Variants in MIGA1 observed in about 807,000 individuals in gnomAD.
MIGA1 encodes the protein mitoguardin 1, also known as family with sequence similarity 73, member A.
A neutral mutation model predicts 82.0 loss-of-function variants in MIGA1; 58 were observed. That is an observed-to-expected ratio of 0.71 (90% CI 0.57 to 0.88). MIGA1 has a LOEUF of 0.88. MIGA1 is among the 40% of genes least tolerant of loss of function. The probability of loss-of-function intolerance (pLI) is 0.00; values close to 1 mark genes in which losing one functional copy is unlikely to be tolerated. For synonymous variants in MIGA1, 249 were observed against 253.6 expected, an observed-to-expected ratio of 0.98 and a Z score of 0.17; for missense variants, 751 against 749.1, an observed-to-expected ratio of 1.00 and a Z score of -0.03.
At chr1:77,862,895 C>T (rs952829311) in intron 12 of MIGA1, among the ~76,000 whole-genome samples, 2 of 149,326 alleles carry the variant, frequency 1.3e-5, no homozygotes, top group Admixed American at 1.3e-4. Context: ...AAGCCGAGAT[C>T]GTGCCAGTGC....
chr1:77,838,377 T>G (rs1684507900), intron 7 of MIGA1, among the ~76,000 whole-genome samples: 1 of 151,768 alleles, frequency 6.6e-6, no homozygotes, highest in Admixed American at 6.6e-5. Context: ...TGAGACAGAG[T>G]CTCACTCTGT....
rs940163362 is a variant in MIGA1 at position 77,803,853 on chromosome 1, A to G, written c.510+447A>G. Among the ~76,000 whole-genome samples, 8 of 152,152 alleles carry G rather than the reference A, an allele frequency of 5.3e-5. No individual in the cohort carries two copies. The East Asian group carries it at 7.7e-4, about 15-fold the overall frequency. On this transcript the variant is annotated intron_variant, in intron 4 of 15. Coordinates refer to ENST00000370791, the MANE Select transcript of MIGA1 (RefSeq NM_198549.4). The stretch of plus-strand genomic sequence containing the variant: ...ATAGGATCTAGTGTTTGATAGCACA[A>G]TAGGGTGACTGCAGTCAACACAAAG...
chr1:77,835,320 G>A (rs1684385712), intron 7 of MIGA1, among the ~76,000 whole-genome samples: 2 of 152,146 alleles, frequency 1.3e-5, no homozygotes, highest in Admixed American at 6.5e-5. Context: ...TAAACATTGT[G>A]GTGTTAATGT....
chr1:77,847,864 C>T, intron 8 of MIGA1: 3 of 1,589,972 alleles, frequency 1.9e-6, no homozygotes, highest in African/African-American at 1.3e-5. Context: ...GAGGAAAACC[C>T]AGATGCAGAC....
intron 1 of MIGA1, among the ~76,000 whole-genome samples, chr1:77,781,239 C>T (rs528156606): frequency 6.6e-6 from 1 of 152,180 alleles, no homozygotes; most frequent in Non-Finnish European, 1.5e-5. Flanking sequence ...AAGAATATCT[C>T]TGCAGCCAAT....
intron 7 of MIGA1, among the ~76,000 whole-genome samples, chr1:77,818,894 A>G (rs1683684584): frequency 6.6e-6 from 1 of 151,970 alleles, no homozygotes. Context: ...AGCCTGGCCA[A>G]CATGGTGAAA....
chr1:77,804,399 A>G (rs573171240), intron 4 of MIGA1, among the ~76,000 whole-genome samples: 26 of 152,310 alleles, frequency 1.7e-4, no homozygotes, highest in Non-Finnish European at 3.1e-4. Flanking sequence ...TGTACCTGCT[A>G]TTAAATACAG....
At chr1:77,821,651 C>G (rs2101826229) in intron 7 of MIGA1, among the ~76,000 whole-genome samples, 1 of 152,208 alleles carries the variant, frequency 6.6e-6, no homozygotes. Flanking sequence ...GCCTCCGCCC[C>G]CCAAAGTGCT....
chr1:77,871,025 A>G lies in MIGA1; in HGVS notation c.1564-1979A>G, dbSNP rs1180555738. Reference sequence around the variant, plus strand: ...CAGGCAGGGAGGTTGCAGTGAGCCGAGATGGCAGCAGTACCGTCCAGCTTT... The same window carrying G: ...CAGGCAGGGAGGTTGCAGTGAGCCGGGATGGCAGCAGTACCGTCCAGCTTT... On this transcript the variant is annotated intron_variant, in intron 14 of 15. Coordinates refer to ENST00000370791, the MANE Select transcript of MIGA1 (RefSeq NM_198549.4). Among the ~76,000 whole-genome samples the G allele has an allele frequency of 4.8e-5, 7 of 145,094 alleles. No individual in the cohort carries two copies. In the South Asian group the frequency reaches 1.4e-3, roughly 29 times the overall value.
chr1:77,784,329 A>G (rs1012385869), intron 2 of MIGA1, among the ~76,000 whole-genome samples: 7 of 152,156 alleles, frequency 4.6e-5, no homozygotes, highest in East Asian at 3.9e-4. Flanking sequence ...GGGTCAAGCA[A>G]TCCTCCCACT....
At position 77,876,482 on chromosome 1, in the gene MIGA1, G is replaced by A. The variant is rs1399173869; in HGVS notation, c.*1418G>A. On this transcript the variant is annotated 3_prime_UTR_variant, in exon 16 of 16. Transcript: ENST00000370791. ...ATTAGAGCATTTTCCCCTGGAATGA[G>A]TATTGATTAAAAAGATAACATTTAT... The A allele has an allele frequency of 6.6e-6, 1 of 152,176 alleles. No homozygotes were observed. Among genetic ancestry groups the A allele is most frequent in the Non-Finnish European group, 1.5e-5 (1 of 68,032 alleles). The allele number at this position is 152,176 out of a possible 1,614,324, so 9.4% of individuals were successfully genotyped here.
chr1:77,848,733 A>G, intron 8 of MIGA1: 2 of 1,497,038 alleles, frequency 1.3e-6, no homozygotes, highest in Non-Finnish European at 1.9e-6. Context: ...TGTCAGCTAG[A>G]GACAGGTACT....
chr1:77,813,895 CATA>C (rs1384687213), intron 6 of MIGA1, 28 bp downstream of exon 6: 7 of 1,608,878 alleles, frequency 4.4e-6, no homozygotes, highest in Non-Finnish European at 5.9e-6. Flanking sequence ...GAGTGGTCTT[CATA>C]ATATTAGAAG....
intron 2 of MIGA1, among the ~76,000 whole-genome samples, chr1:77,787,590 T>A (rs180750551): frequency 2.6e-5 from 4 of 151,636 alleles, no homozygotes; most frequent in African/African-American, 9.7e-5. Context: ...GGTTTTGCCA[T>A]GCTGGCCAGG....
At chr1:77,831,154 A>G (rs1451083311) in intron 7 of MIGA1, among the ~76,000 whole-genome samples, 1 of 152,230 alleles carries the variant, frequency 6.6e-6, no homozygotes, top group Non-Finnish European at 1.5e-5. Flanking sequence ...ACTTGAAAGT[A>G]AACAGATCTT....
At chr1:77,816,443 A>G (rs1350066091) in intron 7 of MIGA1, among the ~76,000 whole-genome samples, 2 of 152,242 alleles carry the variant, frequency 1.3e-5, no homozygotes, top group Non-Finnish European at 2.9e-5. Flanking sequence ...AACTTTTTCC[A>G]CATTAGTACT....
At chr1:77,818,715 C>T (rs1683676569) in intron 7 of MIGA1, among the ~76,000 whole-genome samples, 1 of 151,974 alleles carries the variant, frequency 6.6e-6, no homozygotes, top group African/African-American at 2.4e-5. Context: ...AGTTCAAGAC[C>T]AGCCTGTATA....
At chr1:77,868,584 A>T (rs1054358313) in intron 14 of MIGA1, 1 of 152,212 alleles carries the variant, frequency 6.6e-6, no homozygotes, top group African/African-American at 2.4e-5. Flanking sequence ...ACTATTTCCT[A>T]TACCTGAAAT....
chr1:77,793,739 A>G (rs1682532624), intron 2 of MIGA1, among the ~76,000 whole-genome samples: 1 of 148,758 alleles, frequency 6.7e-6, no homozygotes, highest in South Asian at 2.1e-4. Context: ...TGCTGGGATT[A>G]CAGGCGTGAA....
Sources: gnomAD v4.1 joint callset for allele counts (sites outside exome capture counted in the v4.1 genomes callset) on GRCh38, gnomAD v4.1.1 for gene constraint, MANE v1.5 for transcripts, NCBI Gene and HGNC (gene_info 2026-07-23, HGNC 2026-07-21) for gene names.